Variants in LIPT1 observed in about 807,000 individuals in gnomAD.
LIPT1 encodes lipoyltransferase 1.
A neutral mutation model predicts 25.1 loss-of-function variants in LIPT1; 22 were observed. The ratio of observed to expected loss-of-function variants is 0.88; its 90% CI spans 0.63 to 1.25. The LOEUF (loss-of-function observed/expected upper bound fraction) is 1.25, where lower values mean the gene tolerates loss of function less well. LIPT1 is among the 50% of genes most tolerant of loss of function. LIPT1 has a pLI of 0.00. For missense variants in LIPT1, 399 were observed against 432.8 expected, an observed-to-expected ratio of 0.92 and a Z score of 0.69; for synonymous variants, 131 against 150.8, an observed-to-expected ratio of 0.87 and a Z score of 0.96.
intron 1 of LIPT1, chr2:99,155,272 A>G: frequency 2.7e-6 from 1 of 366,268 alleles, no homozygotes; most frequent in Non-Finnish European, 5.4e-6. Context: ...GAGGGAGGGT[A>G]AATATCGTAA....
At chr2:99,157,844 G>A (rs148440993) in intron 1 of LIPT1, among the ~76,000 whole-genome samples, 25 of 152,266 alleles carry the variant, frequency 1.6e-4, no homozygotes, top group South Asian at 2.1e-4. Context: ...GCTCTGTGCC[G>A]TTGGCCGCTA....
Position 99,154,987 on chromosome 2 carries a change from G to A in LIPT1, c.-66G>A, listed in dbSNP as rs1370382088. ...CGCGCAAGGCCTGCCGGTTGCTCGG[G>A]GTCGTATGACGCACTTTTCCAGCTC... On this transcript the variant is annotated 5_prime_UTR_variant, in exon 1 of 2. Transcript: ENST00000651691. 1 of 456,002 alleles carries A rather than the reference G, an allele frequency of 2.2e-6. No homozygotes were observed. The highest frequency in any genetic ancestry group is 3.3e-4 in the Middle Eastern group (1 of 3,044). The allele number at this position is 456,002 out of a possible 1,614,324, so 28.2% of individuals were successfully genotyped here.
At chr2:99,158,238 C>T (rs982485679) in intron 1 of LIPT1, among the ~76,000 whole-genome samples, 1 of 152,084 alleles carries the variant, frequency 6.6e-6, no homozygotes, top group Non-Finnish European at 1.5e-5. Flanking sequence ...TTCTCTTTCT[C>T]TCACCCTAAT....
At chr2:99,159,909 G>A (rs2093775609) in intron 1 of LIPT1, among the ~76,000 whole-genome samples, 1 of 152,148 alleles carries the variant, frequency 6.6e-6, no homozygotes, top group Admixed American at 6.5e-5. Flanking sequence ...GCATATGCCT[G>A]GAATATGCTC....
rs1290029012 is a variant in LIPT1, at chr2:99,162,986, G to A, written c.1029G>A (p.Met343Ile). ...AGTTTTGCCCAACTGAAACTACCATGCTAACAAATATATTACTTAGAACAT... is the reference window on the plus strand; with the variant it reads ...AGTTTTGCCCAACTGAAACTACCATACTAACAAATATATTACTTAGAACAT... ...GSKFCPTETT[M>I]LTNILLRTCP... Residue 343 changes from methionine (M) to isoleucine (I), a missense_variant, in exon 2 of 2, where the codon ATG (methionine) becomes ATA (isoleucine). Transcript: ENST00000651691. 4 of 1,613,378 alleles carry A rather than the reference G, an allele frequency of 2.5e-6. No homozygotes were observed. The highest frequency in any genetic ancestry group is 3.4e-6 in the Non-Finnish European group (4 of 1,179,632).
At position 99,159,572 on chromosome 2, in the gene LIPT1, C is replaced by G. The variant is rs1161442923; in HGVS notation, c.-1-2385C>G. The stretch of plus-strand genomic sequence containing the variant: ...CTGAGTTAACACTTCCTGCTTAACA[C>G]TTCAGTGGATCTTAGCTGCCTTTTA... On this transcript the variant is annotated intron_variant, in intron 1 of 1. Transcript: ENST00000651691. Among the ~76,000 whole-genome samples, 5 of 152,314 alleles carry G rather than the reference C, an allele frequency of 3.3e-5. No individual in the cohort carries two copies. The East Asian group carries it at 9.6e-4, about 29-fold the overall frequency.
At chr2:99,160,424 T>A (rs969263002) in intron 1 of LIPT1, among the ~76,000 whole-genome samples, 2 of 152,208 alleles carry the variant, frequency 1.3e-5, no homozygotes, top group Admixed American at 1.3e-4. Flanking sequence ...TTATGAACTT[T>A]CTTTATTTAG....
At position 99,163,001 on chromosome 2, in the gene LIPT1, A is replaced by G; in HGVS notation, c.1044A>G (p.Leu348=). Residue 348 remains leucine (L), a synonymous_variant, in exon 2 of 2, where the codon TTA becomes TTG. Coordinates refer to ENST00000651691, the MANE Select transcript of LIPT1 (RefSeq NM_145199.3). ...AAACTACCATGCTAACAAATATATT[A>G]CTTAGAACATGTCCACAAGACCACA... The part of the protein sequence containing the change: ...PTETTMLTNI[L]LRTCPQDHKL... 3 of 1,611,322 alleles carry G rather than the reference A, an allele frequency of 1.9e-6. No individual in the cohort carries two copies. The highest frequency in any genetic ancestry group is 1.7e-6 in the Non-Finnish European group (2 of 1,178,812).
In LIPT1 at chr2:99,162,271, C is replaced by T; in HGVS notation, c.314C>T (p.Thr105Ile). The T allele has an allele frequency of 6.2e-7, 1 of 1,612,740 alleles. No individual in the cohort carries two copies. Among genetic ancestry groups the T allele is most frequent in the African/African-American group, 1.3e-5 (1 of 75,018 alleles). ...KLARRRSGGGTVYHDMGNINL... is the reference protein window; with the variant it reads ...KLARRRSGGGIVYHDMGNINL... ...GCTCGGAGAAGAAGTGGAGGAGGAA[C>T]AGTCTACCATGATATGGGTAATATC... The change falls in exon 2 of 2, where the codon ACA (threonine) becomes ATA (isoleucine). Residue 105 changes from threonine (T) to isoleucine (I), a missense_variant. By Grantham distance (89) the Thr-to-Ile change is moderately conservative (BLOSUM62 -1). Transcript: ENST00000651691.
In LIPT1 at chr2:99,155,036, C is replaced by G. The variant is rs181470779; in HGVS notation, c.-17C>G. 2.4e-5 allele frequency: 11 copies of G among 455,814 alleles called. No individual in the cohort carries two copies. The highest frequency in any genetic ancestry group is 1.5e-4 in the South Asian group (10 of 64,522). 28.2% of individuals were successfully genotyped at this position (455,814 alleles called of 1,614,324 possible). A position where few individuals can be genotyped will look rare whatever the true frequency, so the allele number is the denominator to read the frequency against. ...TCGAGCCCTCACGAGGCCGTGGGTA[C>G]GACCGGAAGCCGCAGGTGGGTGAAG... is the stretch of plus-strand genomic sequence containing the variant. On this transcript the variant is annotated 5_prime_UTR_variant, in exon 1 of 2. Coordinates refer to ENST00000651691, the MANE Select transcript of LIPT1 (RefSeq NM_145199.3).
At chr2:99,161,183 C>T (rs1246491428) in intron 1 of LIPT1, among the ~76,000 whole-genome samples, 5 of 136,896 alleles carry the variant, frequency 3.7e-5, no homozygotes, top group Non-Finnish European at 7.6e-5. Context: ...ACCTGGGAGG[C>T]GGAGGTTGCG....
chr2:99,156,802 A>G (rs1302115448), intron 1 of LIPT1: 2 of 152,260 alleles, frequency 1.3e-5, no homozygotes, highest in Non-Finnish European at 2.9e-5. Context: ...AACCCTAACA[A>G]GATCACATTT....
chr2:99,157,345 A>G (rs1489312791), intron 1 of LIPT1, among the ~76,000 whole-genome samples: 1 of 152,042 alleles, frequency 6.6e-6, no homozygotes, highest in African/African-American at 2.4e-5. Context: ...TCACTTTCTC[A>G]AGGACCTCCC....
chr2:99,156,412 T>C lies in LIPT1; in HGVS notation c.-2+1361T>C, dbSNP rs2516828. Reference sequence around the variant, plus strand: ...CCGAGTAGCTGAGATTACAGGCGCCTGCCACCACGCCCAGGTAATTTTTGT... The same window carrying C: ...CCGAGTAGCTGAGATTACAGGCGCCCGCCACCACGCCCAGGTAATTTTTGT... On this transcript the variant is annotated intron_variant, in intron 1 of 1. Coordinates refer to ENST00000651691, the MANE Select transcript of LIPT1 (RefSeq NM_145199.3). The C allele has an allele frequency of 0.62, 94,426 of 152,018 alleles. 29,778 individuals are homozygous for C. Among genetic ancestry groups the C allele is most frequent in the East Asian group, 0.88 (4,572 of 5,172 alleles). The allele number at this position is 152,018 out of a possible 1,614,324, so 9.4% of individuals were successfully genotyped here.
intron 1 of LIPT1, among the ~76,000 whole-genome samples, chr2:99,161,147 C>A (rs1254145907): frequency 1.4e-5 from 2 of 147,996 alleles, no homozygotes; most frequent in Non-Finnish European, 3.0e-5. Context: ...CGTCTGTTAT[C>A]CCAGTGAGGT....
intron 1 of LIPT1, among the ~76,000 whole-genome samples, chr2:99,158,984 A>T (rs1261549434): frequency 6.6e-6 from 1 of 151,884 alleles, no homozygotes; most frequent in Non-Finnish European, 1.5e-5. Flanking sequence ...GCTGGAGTGT[A>T]GTGGCACGAT....
chr2:99,156,822 G>A lies in LIPT1; in HGVS notation c.-2+1771G>A, dbSNP rs541870781. 8 of 152,328 alleles carry A rather than the reference G, an allele frequency of 5.3e-5. No individual in the cohort carries two copies. The East Asian group carries it at 1.3e-3, about 26-fold the overall frequency. 9.4% of individuals were successfully genotyped at this position (152,328 alleles called of 1,614,324 possible). On this transcript the variant is annotated intron_variant, in intron 1 of 1. Transcript: ENST00000651691. ...TAACAAGATCACATTTTTGACCAAAGTCAATATCTTGGACTATAGTTAATT... is the reference window on the plus strand; with the variant it reads ...TAACAAGATCACATTTTTGACCAAAATCAATATCTTGGACTATAGTTAATT...
At position 99,162,796 on chromosome 2, in the gene LIPT1, G is replaced by C; in HGVS notation, c.839G>C (p.Ser280Thr). 1 of 1,614,138 alleles carries C rather than the reference G, an allele frequency of 6.2e-7. No individual in the cohort carries two copies. The stretch of plus-strand genomic sequence containing the variant: ...ATATATGGCAAAACTCCAAAGTTTA[G>C]TATAAATACTTCCTTTCATGTGTTA... ...EWIYGKTPKFSINTSFHVLYE... is the reference protein window; with the variant it reads ...EWIYGKTPKFTINTSFHVLYE... The change falls in exon 2 of 2, where the codon AGT (serine) becomes ACT (threonine). Residue 280 changes from serine to threonine, a missense_variant. By Grantham distance (58) the Ser-to-Thr change is moderately conservative. Transcript: ENST00000651691.
Position 99,162,000 on chromosome 2 carries a change from T to C in LIPT1, c.43T>C (p.Cys15Arg), listed in dbSNP as rs1034067849. Residue 15 changes from cysteine to arginine, a missense_variant, in exon 2 of 2, where the codon TGT (cysteine) becomes CGT (arginine). By Grantham distance (180) the Cys-to-Arg change is radical. Coordinates refer to ENST00000651691, the MANE Select transcript of LIPT1 (RefSeq NM_145199.3). ...AATGAAGAATTGCTTCCAGTTACTT[T>C]GTAACTGCCAGGTCCCAGCAGCTGG... ...FSMKNCFQLL[C>R]NCQVPAAGFK... The C allele has an allele frequency of 8.1e-6, 13 of 1,611,982 alleles. No homozygotes were observed. Among genetic ancestry groups the C allele is most frequent in the African/African-American group, 1.3e-5 (1 of 74,822 alleles).
Sources: gnomAD v4.1 joint callset for allele counts (sites outside exome capture counted in the v4.1 genomes callset) on GRCh38, gnomAD v4.1.1 for gene constraint, MANE v1.5 for transcripts, NCBI Gene and HGNC (gene_info 2026-07-23, HGNC 2026-07-21) for gene names.